Variants in MZF1 observed in about 807,000 individuals in gnomAD.
The protein encoded by MZF1 is myeloid zinc finger 1.
A neutral mutation model predicts 28.6 loss-of-function variants in MZF1; 24 were observed. The observed-to-expected ratio is 0.84, with a 90% CI of 0.61 to 1.18. The LOEUF is 1.18. MZF1 is among the 50% of genes most tolerant of loss of function. The pLI, the probability that MZF1 is intolerant of heterozygous loss-of-function variation, is 0.00. For missense variants in MZF1, 1,166 were observed against 1,026.4 expected (o/e 1.14, Z -1.86); for synonymous variants, 516 against 432.5 (o/e 1.19, Z -2.40).
chr19:58,562,637 C>T lies in MZF1; in HGVS notation c.1640G>A (p.Gly547Asp), dbSNP rs945867005. The stretch of plus-strand genomic sequence containing the variant: ...GTTGGAGCGCTGCCGGAAGCTCTGG[C>T]CGCACTCGGCACAGGCGAAGGGCCG... The part of the protein sequence containing the change: ...GERPFACAEC[G>D]QSFRQRSNLT... Residue 547 changes from glycine (G) to aspartate (D), a missense_variant, in exon 6 of 6, where the codon GGC becomes GAC. Coordinates refer to ENST00000215057, the MANE Select transcript of MZF1 (RefSeq NM_198055.2). 5.8e-6 allele frequency: 9 copies of T among 1,558,918 alleles called. No individual in the cohort carries two copies. Among genetic ancestry groups the T allele is most frequent in the South Asian group, 1.2e-5 (1 of 86,172 alleles).
Position 58,571,028 on chromosome 19 carries a change from C to T in MZF1, c.362G>A (p.Gly121Glu). 6.2e-7 allele frequency: 1 copy of T among 1,611,632 alleles called. No homozygotes were observed. The highest frequency in any genetic ancestry group is 2.2e-5 in the East Asian group (1 of 44,836). ...GGGTCCGCCCGGCTCCCGGCGCAGC[C>T]CATCTACTAGGGCAGCAGCCTCCTC... ...SPEEAAALVD[G>E]LRREPGGPRR... Residue 121 changes from glycine (G) to glutamate (E), a missense_variant, in exon 2 of 6, where the codon GGG becomes GAG. Transcript: ENST00000215057.
At chr19:58,572,747 A>G (rs944064501) in intron 1 of MZF1, 5 of 646,274 alleles carry the variant, frequency 7.7e-6, no homozygotes, top group South Asian at 1.6e-5. Flanking sequence ...CATAGCCAAG[A>G]TGGCAGGTAC....
intron 5 of MZF1, chr19:58,563,778 T>C (rs561598766): frequency 1.3e-5 from 5 of 373,360 alleles, no homozygotes; most frequent in African/African-American, 2.1e-5. Context: ...GGAAGGGCTG[T>C]AGGGCAAGCG....
At chr19:58,569,633 C>A in intron 3 of MZF1, 47 bp from the exon 4 acceptor site, 1 of 1,473,434 alleles carries the variant, frequency 6.8e-7, no homozygotes, top group Non-Finnish European at 9.3e-7. Flanking sequence ...GTTTCCACCC[C>A]ACTGCCCTTC....
At chr19:58,565,374 G>A (rs1476722593) in intron 5 of MZF1, among the ~76,000 whole-genome samples, 4 of 148,154 alleles carry the variant, frequency 2.7e-5, no homozygotes, top group South Asian at 2.1e-4. Flanking sequence ...GATTGCAGGC[G>A]TGAGCCACCG....
At position 58,569,540 on chromosome 19, in the gene MZF1, G is replaced by A. The variant is rs1600107133; in HGVS notation, c.627C>T (p.Pro209=). Residue 209 remains proline (P), a synonymous_variant, in exon 4 of 6, where the codon CCC becomes CCT. Transcript: ENST00000215057. ...CCTGGGCCTCCTCAGGCAGGAGGGTGGGTACAGACTCCTGGGTGGCAGCTA... is the reference window on the plus strand; with the variant it reads ...CCTGGGCCTCCTCAGGCAGGAGGGTAGGTACAGACTCCTGGGTGGCAGCTA... ...GPLAATQESV[P]TLLPEEAQRC... 6.2e-7 allele frequency: 1 copy of A among 1,611,466 alleles called. No homozygotes were observed. Among genetic ancestry groups the A allele is most frequent in the Non-Finnish European group, 8.5e-7 (1 of 1,178,378 alleles).
chr19:58,571,772 C>T (rs2054168772), intron 1 of MZF1: 1 of 195,076 alleles, frequency 5.1e-6, no homozygotes, highest in Non-Finnish European at 1.1e-5. Context: ...GACTTGACCT[C>T]CCGGGCTCCA....
Position 58,562,814 on chromosome 19 carries a change from C to T in MZF1, c.1463G>A (p.Ser488Asn). 1 of 1,535,312 alleles carries T rather than the reference C, an allele frequency of 6.5e-7. No homozygotes were observed. Among genetic ancestry groups the T allele is most frequent in the Non-Finnish European group, 8.7e-7 (1 of 1,146,706 alleles). The change falls in exon 6 of 6, where the codon AGC becomes AAC. Residue 488 changes from serine to asparagine, a missense_variant. Physicochemically the swap from Ser to Asn is conservative, Grantham distance 46. Coordinates refer to ENST00000215057, the MANE Select transcript of MZF1 (RefSeq NM_198055.2). ...CCGCGCGAAGCTCTCGCGGCACTCG[C>T]TGCACGGAAAGGGGCCGGGAGGCTC... ...APEPPGPFPC[S>N]ECRESFARRA...
intron 5 of MZF1, among the ~76,000 whole-genome samples, chr19:58,564,900 GTGTTTTTTTTTTTTTTTT>G (rs1390917552): frequency 2.9e-5 from 2 of 69,354 alleles, no homozygotes; most frequent in African/African-American, 1.4e-4. Context: ...ATCCATGTGT[GTGTTTTTTTTTTTTTTTT>G]TTTTTTTTTT....
At position 58,562,008 on chromosome 19, in the gene MZF1, C is replaced by T. The variant is rs2053933622; in HGVS notation, c.*64G>A. 1.3e-6 allele frequency: 2 copies of T among 1,483,978 alleles called. No homozygotes were observed. The highest frequency in any genetic ancestry group is 1.2e-5 in the South Asian group (1 of 80,534). The allele number at this position is 1,483,978 out of a possible 1,614,324, so 91.9% of individuals were successfully genotyped here. On this transcript the variant is annotated 3_prime_UTR_variant, in exon 6 of 6. Coordinates refer to ENST00000215057, the MANE Select transcript of MZF1 (RefSeq NM_198055.2). ...CTGCTTATACTTATGTAATCGCCAG[C>T]CTCACAATAACCAGGGGAGGTAGGT...
Position 58,571,255 on chromosome 19 carries a change from C to T in MZF1, c.135G>A (p.Leu45=). 6.2e-7 allele frequency: 1 copy of T among 1,613,066 alleles called. No homozygotes were observed. The highest frequency in any genetic ancestry group is 8.5e-7 in the Non-Finnish European group (1 of 1,179,492). The change falls in exon 2 of 6, where the codon CTG becomes CTA. Residue 45 remains leucine, a synonymous_variant. Coordinates refer to ENST00000215057, the MANE Select transcript of MZF1 (RefSeq NM_198055.2). ...CCTCATAGCGGAAGCACCGGAAACG[C>T]AGGCGTGCAGCTTCAGGGCCTGGGT... ...LWDPGPEAAR[L]RFRCFRYEEA...
chr19:58,569,123 A>G, intron 5 of MZF1, 154 bp downstream of exon 5: 1 of 1,010,220 alleles, frequency 9.9e-7, no homozygotes, highest in Non-Finnish European at 1.4e-6. Context: ...AAGATGCTAG[A>G]GGAGGTTGAA....
In MZF1 at chr19:58,563,038, C is replaced by A; in HGVS notation, c.1239G>T (p.Val413=). Residue 413 remains valine (V), a synonymous_variant, in exon 6 of 6, where the codon GTG becomes GTT. Transcript: ENST00000215057. ...QLTHTEERPF[V]CGDCGQGFVR... is the part of the protein sequence containing the mutation. ...CGAAGCCCTGGCCACAGTCGCCGCA[C>A]ACGAACGGCCGCTCCTCGGTGTGCG... The A allele has an allele frequency of 6.2e-7, 1 of 1,601,930 alleles. No homozygotes were observed. The highest frequency in any genetic ancestry group is 8.5e-7 in the Non-Finnish European group (1 of 1,179,540).
In MZF1 at chr19:58,562,440, T is replaced by C; in HGVS notation, c.1837A>G (p.Thr613Ala). The C allele has an allele frequency of 6.2e-7, 1 of 1,611,034 alleles. No individual in the cohort carries two copies. The highest frequency in any genetic ancestry group is 2.2e-5 in the East Asian group (1 of 44,776). Reference sequence around the variant, plus strand: ...CCGGTGTGTGTCCTCTGATGACGCGTGAGCTTGAGGCGCTGGCTGAAGCGC... The same window carrying C: ...CCGGTGTGTGTCCTCTGATGACGCGCGAGCTTGAGGCGCTGGCTGAAGCGC... ...GQRFSQRLKL[T>A]RHQRTHTGEK... The change falls in exon 6 of 6, where the codon ACG becomes GCG. Residue 613 changes from threonine (T) to alanine (A), a missense_variant. By Grantham distance (58) the Thr-to-Ala change is moderately conservative. Transcript: ENST00000215057.
chr19:58,567,510 G>C (rs1035831539), intron 5 of MZF1, among the ~76,000 whole-genome samples: 2 of 152,356 alleles, frequency 1.3e-5, no homozygotes, highest in Admixed American at 6.5e-5. Flanking sequence ...TCTTTCCCAA[G>C]GATGCTGGCA....
rs1363918341 is a variant in MZF1, at chr19:58,562,054, A to G, written c.*18T>C. The G allele has an allele frequency of 6.5e-7, 1 of 1,547,518 alleles. No homozygotes were observed. The highest frequency in any genetic ancestry group is 8.7e-7 in the Non-Finnish European group (1 of 1,147,552). On this transcript the variant is annotated 3_prime_UTR_variant, in exon 6 of 6. Coordinates refer to ENST00000215057, the MANE Select transcript of MZF1 (RefSeq NM_198055.2). ...TAGGTGTTCTGACCATGGCGGACAC[A>G]GTGCGTCCCGGCTGGAGCTACTCGG... is the stretch of plus-strand genomic sequence containing the variant.
chr19:58,571,418 C>T lies in MZF1; in HGVS notation c.-29G>A. On this transcript the variant is annotated 5_prime_UTR_variant, in exon 2 of 6. Transcript: ENST00000215057. ...GGGTACCAGGTCAGGTATCTGAGGCCAGTGTCTGCCCCTGGTGAAGAAATA... is the reference window on the plus strand; with the variant it reads ...GGGTACCAGGTCAGGTATCTGAGGCTAGTGTCTGCCCCTGGTGAAGAAATA... The T allele has an allele frequency of 2.5e-6, 4 of 1,611,470 alleles. 1 individual carries two copies. The highest frequency in any genetic ancestry group is 1.3e-5 in the African/African-American group (1 of 74,886).
At chr19:58,572,247 C>T (rs1033632840) in intron 1 of MZF1, among the ~76,000 whole-genome samples, 3 of 152,154 alleles carry the variant, frequency 2.0e-5, no homozygotes, top group South Asian at 2.1e-4. Flanking sequence ...CCTCACTCCA[C>T]CTAATCCTCC....
In MZF1 at chr19:58,566,508, G is replaced by T. The variant is rs139539370; in HGVS notation, c.772+2769C>A. ...GAATGTCTTTGCTTCTGTATGTACA[G>T]AATCTTTTTACAAAGACACATAAGA... On this transcript the variant is annotated intron_variant, in intron 5 of 5. Transcript: ENST00000215057. Among the ~76,000 whole-genome samples the T allele has an allele frequency of 1.2e-4, 19 of 152,250 alleles. 1 individual carries two copies. The highest frequency in any genetic ancestry group is 4.6e-4 in the African/African-American group (19 of 41,542).
Sources: allele counts gnomAD v4.1 joint callset (sites outside exome capture counted in the v4.1 genomes callset), GRCh38; gene constraint gnomAD v4.1.1; transcripts MANE v1.5; gene names NCBI Gene and HGNC (gene_info 2026-07-23, HGNC 2026-07-21).